The following PTGES3L variants were observed in gnomAD, a reference collection of about 807,000 sequenced individuals.
PTGES3L encodes the protein putative protein PTGES3L.
PTGES3L carries 17 observed loss-of-function variants against 25.0 expected under a neutral mutation model. The ratio of observed to expected loss-of-function variants is 0.68; its 90% CI spans 0.47 to 1.02. The LOEUF is 1.02. PTGES3L is among the 50% of genes least tolerant of loss of function. The pLI is 0.00. For synonymous variants in PTGES3L, 59 were observed against 65.7 expected, an observed-to-expected ratio of 0.90 and a Z score of 0.50; for missense variants, 202 against 197.5, an observed-to-expected ratio of 1.02 and a Z score of -0.14.
chr17:42,969,238 G>T, intron 6 of PTGES3L, 52 bp from the exon 7 acceptor site: 1 of 1,023,594 alleles, frequency 9.8e-7, no homozygotes, highest in Non-Finnish European at 1.5e-6. Flanking sequence ...TGCAAAGCAG[G>T]AACATTTGTG....
intron 6 of PTGES3L, among the ~76,000 whole-genome samples, chr17:42,969,401 CTTTTTT>C (rs67136149): frequency 1.6e-4 from 12 of 72,988 alleles, no homozygotes; most frequent in African/African-American, 1.1e-4. Context: ...AGTTTCAGGA[CTTTTTT>C]TTTTTTTTTT....
rs35444712 is a variant in PTGES3L, at chr17:42,979,628, C to T, written c.44G>A (p.Arg15Lys). The change falls in exon 2 of 7, where the codon AGG becomes AAG. Residue 15 changes from arginine to lysine, a missense_variant. Transcript: ENST00000591916. ...HARTLWYDRPRYVFMEFCVED... is the reference protein window; with the variant it reads ...HARTLWYDRPKYVFMEFCVED... ...AACACAAAACTCCATGAACACATAC[C>T]TGGGCCTGTCGTACCACAAGGTCCG... is the stretch of plus-strand genomic sequence containing the variant. 3.7e-6 allele frequency: 6 copies of T among 1,614,014 alleles called. No individual in the cohort carries two copies. The highest frequency in any genetic ancestry group is 4.2e-6 in the Non-Finnish European group (5 of 1,180,018).
intron 4 of PTGES3L, among the ~76,000 whole-genome samples, chr17:42,973,345 AG>A (rs2049892282): frequency 1.3e-5 from 1 of 77,750 alleles, no homozygotes; most frequent in Non-Finnish European, 2.7e-5. Flanking sequence ...CCGCCCGGCC[AG>A]CCGCCCCGTC....
chr17:42,974,361 G>GAA (rs552661431), intron 4 of PTGES3L, among the ~76,000 whole-genome samples: 1 of 101,202 alleles, frequency 9.9e-6, no homozygotes, highest in Non-Finnish European at 2.0e-5. Flanking sequence ...ACTCTGTCTC[G>GAA]AAAAAAAAAA....
intron 1 of PTGES3L, 105 bp from the exon 2 acceptor site, chr17:42,979,768 G>T: frequency 6.7e-7 from 1 of 1,490,412 alleles, no homozygotes; most frequent in Non-Finnish European, 9.1e-7. Flanking sequence ...TTTTTTCAAA[G>T]TGGAGCTAAA....
chr17:42,969,196 G>GT lies in PTGES3L; in HGVS notation c.433-11_433-10insA. ...CACTGTCAGAATCATCCTGGGGGCG[G>GT]GGGGGAAAAAAGACAAAGCACCTGT... On this transcript the variant is annotated splice_polypyrimidine_tract_variant and intron_variant, in intron 6 of 6. Coordinates refer to ENST00000591916, the MANE Select transcript of PTGES3L (RefSeq NM_001261430.2). 6.9e-7 allele frequency: 1 copy of GT among 1,439,190 alleles called. No homozygotes were observed. Among genetic ancestry groups the GT allele is most frequent in the Non-Finnish European group, 9.5e-7 (1 of 1,051,950 alleles). 89.2% of individuals were successfully genotyped at this position (1,439,190 alleles called of 1,614,324 possible). A position where few individuals can be genotyped will look rare whatever the true frequency, so the allele number is the denominator to read the frequency against.
intron 4 of PTGES3L, among the ~76,000 whole-genome samples, chr17:42,976,996 TAA>T (rs1298489814): frequency 6.6e-6 from 1 of 152,078 alleles, no homozygotes; most frequent in Non-Finnish European, 1.5e-5. Flanking sequence ...CTAGAAAGAA[TAA>T]GAGTCATCAG....
Position 42,979,206 on chromosome 17 carries a change from C to T in PTGES3L, c.252G>A (p.Lys84=), listed in dbSNP as rs200795560. Residue 84 remains lysine (K), a synonymous_variant, in exon 4 of 7, where the codon AAG becomes AAA. Transcript: ENST00000591916. ...CCTTGGTAAGCCGCGGCCAGGCCAC[C>T]TTTTCCTTCCATTTTCTCACAAAAC... is the stretch of plus-strand genomic sequence containing the variant. The part of the protein sequence containing the change: ...ITCFVRKWKE[K]VAWPRLTKED... 6.2e-7 allele frequency: 1 copy of T among 1,614,130 alleles called. No homozygotes were observed. The highest frequency in any genetic ancestry group is 1.1e-5 in the South Asian group (1 of 91,086).
rs1006172684 is a variant in PTGES3L at position 42,968,335 on chromosome 17, A to G, written c.*813T>C. Reference sequence around the variant, plus strand: ...TACTTGAGGTCAGGAGTTCGAGACCAGCCTGGCCAACATGGTGAAACCCCA... The same window carrying G: ...TACTTGAGGTCAGGAGTTCGAGACCGGCCTGGCCAACATGGTGAAACCCCA... On this transcript the variant is annotated 3_prime_UTR_variant, in exon 7 of 7. Transcript: ENST00000591916. The G allele has an allele frequency of 4.6e-5, 7 of 152,144 alleles. No homozygotes were observed. Among genetic ancestry groups the G allele is most frequent in the African/African-American group, 1.7e-4 (7 of 41,434 alleles). The allele number at this position is 152,144 out of a possible 1,614,324, so 9.4% of individuals were successfully genotyped here. A position where few individuals can be genotyped will look rare whatever the true frequency, so the allele number is the denominator to read the frequency against.
chr17:42,976,184 A>T (rs2049951407), intron 4 of PTGES3L, among the ~76,000 whole-genome samples: 1 of 151,668 alleles, frequency 6.6e-6, no homozygotes, highest in Non-Finnish European at 1.5e-5. Context: ...GGGTTTTGCC[A>T]TGTTGGCCAG....
At chr17:42,977,236 G>A (rs1369847643) in intron 4 of PTGES3L, among the ~76,000 whole-genome samples, 1 of 152,060 alleles carries the variant, frequency 6.6e-6, no homozygotes, top group Non-Finnish European at 1.5e-5. Flanking sequence ...GAGCAGCCGG[G>A]CCAACATGGT....
chr17:42,976,361 A>T (rs1490015503), intron 4 of PTGES3L, among the ~76,000 whole-genome samples: 1 of 152,182 alleles, frequency 6.6e-6, no homozygotes, highest in Non-Finnish European at 1.5e-5. Flanking sequence ...AAATTTTTTA[A>T]TGTCAGTAAC....
chr17:42,977,629 AAAAGAAAGAAAG>A (rs138415855), intron 4 of PTGES3L, among the ~76,000 whole-genome samples: 2 of 134,762 alleles, frequency 1.5e-5, no homozygotes, highest in Non-Finnish European at 3.0e-5. Flanking sequence ...GAAAAGAAGA[AAAAGAAAGAAAG>A]AGAGAGAGGG....
At chr17:42,979,138 G>A in intron 4 of PTGES3L, 32 bp downstream of exon 4, 1 of 1,612,504 alleles carries the variant, frequency 6.2e-7, no homozygotes, top group Non-Finnish European at 8.5e-7. Flanking sequence ...GGTACATGGA[G>A]AGAAGAAGCA....
intron 4 of PTGES3L, among the ~76,000 whole-genome samples, chr17:42,977,822 T>G (rs2049987342): frequency 6.6e-6 from 1 of 152,022 alleles, no homozygotes; most frequent in African/African-American, 2.4e-5. Context: ...CTCACAGCTG[T>G]AATCCCAGCA....
At chr17:42,978,761 G>A (rs1272414527) in intron 4 of PTGES3L, among the ~76,000 whole-genome samples, 1 of 152,172 alleles carries the variant, frequency 6.6e-6, no homozygotes, top group Admixed American at 6.6e-5. Context: ...AGCACTTTGG[G>A]AGGCCGAGGC....
At chr17:42,972,967 C>T (rs1341524827) in intron 4 of PTGES3L, among the ~76,000 whole-genome samples, 3 of 144,478 alleles carry the variant, frequency 2.1e-5, no homozygotes, top group African/African-American at 5.2e-5. Flanking sequence ...AGCACCTCTG[C>T]CCCGCTGCCC....
intron 5 of PTGES3L, among the ~76,000 whole-genome samples, chr17:42,970,676 GCACACACACACA>G (rs57542042): frequency 0.53 from 76,341 of 144,014 alleles, 22,177 homozygotes; most frequent in Non-Finnish European, 0.64. Context: ...CTTAACACGC[GCACACACACACA>G]CACACACACA....
chr17:42,979,494 A>T (rs368287787), intron 2 of PTGES3L, 50 bp from the exon 3 acceptor site: 3 of 1,614,158 alleles, frequency 1.9e-6, no homozygotes, highest in Middle Eastern at 1.6e-4. Flanking sequence ...GTGTGGGGAC[A>T]TTAGGAAAGG....
Sources: allele counts gnomAD v4.1 joint callset (sites outside exome capture counted in the v4.1 genomes callset), GRCh38; gene constraint gnomAD v4.1.1; transcripts MANE v1.5; gene names NCBI Gene and HGNC (gene_info 2026-07-23, HGNC 2026-07-21).